ARHGAP18: variants seen among roughly 807,000 people sequenced by gnomAD.
ARHGAP18 encodes the protein Rho GTPase activating protein 18.
In ARHGAP18, 67 loss-of-function variants were observed where a neutral mutation model predicts 86.2. The ratio of observed to expected loss-of-function variants is 0.78; its 90% CI spans 0.64 to 0.95. The LOEUF is 0.95. ARHGAP18 is among the 40% of genes least tolerant of loss of function. The probability of loss-of-function intolerance (pLI) is 0.00; values close to 1 mark genes in which losing one functional copy is unlikely to be tolerated. For synonymous variants in ARHGAP18, 283 were observed against 280.4 expected (o/e 1.01, Z -0.09); for missense variants, 691 against 780.4 (o/e 0.89, Z 1.37).
Position 129,599,332 on chromosome 6 carries a change from C to G in ARHGAP18, c.1597G>C (p.Val533Leu). ...WTIPKFIVNQ[V>L]RKQNTENHKK... ...TGATTTTCCGTGTTTTGCTTCCTCA[C>G]TTGGTTTACAATAAACTTGGGAATC... The change falls in exon 12 of 15, where the codon GTG becomes CTG. Residue 533 changes from valine to leucine, a missense_variant. Transcript: ENST00000368149. 6.3e-7 allele frequency: 1 copy of G among 1,576,648 alleles called. No individual in the cohort carries two copies. The highest frequency in any genetic ancestry group is 8.6e-7 in the Non-Finnish European group (1 of 1,165,454).
Position 129,580,070 on chromosome 6 carries a change from C to A in ARHGAP18, c.1900G>T (p.Gly634Trp). The A allele has an allele frequency of 6.2e-7, 1 of 1,611,818 alleles. No individual in the cohort carries two copies. The highest frequency in any genetic ancestry group is 8.5e-7 in the Non-Finnish European group (1 of 1,178,222). Residue 634 changes from glycine to tryptophan, a missense_variant and splice_region_variant, in exon 14 of 15, where the codon GGG (glycine) becomes TGG (tryptophan). Coordinates refer to ENST00000368149, the MANE Select transcript of ARHGAP18 (RefSeq NM_033515.3). The stretch of plus-strand genomic sequence containing the variant: ...TGTAAAGAGAAAAAAAAGTGCTTAC[C>A]AATATTTCCTCCAATTTCATACAAA... ...VFLYEIGGNI[G>W]ERCLDDDTYM...
rs1223362985 is a variant in ARHGAP18 at position 129,577,171 on chromosome 6, T to C, written c.*1342A>G. 4 of 152,196 alleles carry C rather than the reference T, an allele frequency of 2.6e-5. No homozygotes were observed. Among genetic ancestry groups the C allele is most frequent in the Non-Finnish European group, 5.9e-5 (4 of 68,016 alleles). 9.4% of individuals were successfully genotyped at this position (152,196 alleles called of 1,614,324 possible). A position where few individuals can be genotyped will look rare whatever the true frequency, so the allele number is the denominator to read the frequency against. ...AATGGCACGAATCACCACAAAATCA[T>C]TTAAGTGATCATATCCACAGGCTGT... On this transcript the variant is annotated 3_prime_UTR_variant, in exon 15 of 15. Coordinates refer to ENST00000368149, the MANE Select transcript of ARHGAP18 (RefSeq NM_033515.3).
chr6:129,601,368 G>C (rs72982632), intron 10 of ARHGAP18, among the ~76,000 whole-genome samples: 9,082 of 152,180 alleles, frequency 0.06, 333 homozygotes, highest in South Asian at 0.091. Context: ...CAGGCACTGG[G>C]CATGGTGGTG....
At chr6:129,654,206 G>T (rs1197997911) in intron 1 of ARHGAP18, among the ~76,000 whole-genome samples, 1 of 152,194 alleles carries the variant, frequency 6.6e-6, no homozygotes, top group Admixed American at 6.5e-5. Context: ...ACCTGAAAAA[G>T]GTGAGGGGAG....
intron 7 of ARHGAP18, among the ~76,000 whole-genome samples, chr6:129,614,284 A>G (rs1283257670): frequency 3.3e-5 from 5 of 152,182 alleles, no homozygotes; most frequent in African/African-American, 9.6e-5. Context: ...TACAGATATG[A>G]CCTAATTGAG....
At chr6:129,692,794 C>T (rs1035884829) in intron 1 of ARHGAP18, among the ~76,000 whole-genome samples, 1 of 152,066 alleles carries the variant, frequency 6.6e-6, no homozygotes, top group Admixed American at 6.6e-5. Context: ...CAAATTACTT[C>T]GCCTAAAAAT....
chr6:129,684,536 T>G (rs2114540336), intron 1 of ARHGAP18, among the ~76,000 whole-genome samples: 1 of 152,356 alleles, frequency 6.6e-6, no homozygotes, highest in South Asian at 2.1e-4. Flanking sequence ...TGAAAGTTCC[T>G]AAGTGAACAT....
rs369906715 is a variant in ARHGAP18, at chr6:129,625,152, TATA to T, written c.786+4198_786+4200del. Reference sequence around the variant, plus strand: ...TATATATGATATATATTATATATTATATAGATATATATTATATATGATATATTA... The same window carrying T: ...TATATATGATATATATTATATATTATGATATATATTATATATGATATATTA... On this transcript the variant is annotated intron_variant, in intron 5 of 14. Coordinates refer to ENST00000368149, the MANE Select transcript of ARHGAP18 (RefSeq NM_033515.3). 3.4e-3 allele frequency among the ~76,000 whole-genome samples: 16 copies of T among 4,652 alleles called. 4 individuals are homozygous for T. Among genetic ancestry groups the T allele is most frequent in the South Asian group, 0.014 (1 of 74 alleles). The allele number at this position is 4,652 out of a possible 152,430, so 3.1% of individuals were successfully genotyped here. A position where few individuals can be genotyped will look rare whatever the true frequency, so the allele number is the denominator to read the frequency against.
intron 1 of ARHGAP18, among the ~76,000 whole-genome samples, chr6:129,650,261 A>G (rs2114508558): frequency 6.6e-6 from 1 of 152,198 alleles, no homozygotes; most frequent in African/African-American, 2.4e-5. Flanking sequence ...GAATAGGGAC[A>G]TAGTAACCAC....
intron 10 of ARHGAP18, among the ~76,000 whole-genome samples, chr6:129,604,301 T>C (rs1788809326): frequency 6.6e-6 from 1 of 152,052 alleles, no homozygotes; most frequent in African/African-American, 2.4e-5. Flanking sequence ...ACAGAATTTT[T>C]AAAAGAATAT....
At chr6:129,649,646 G>A (rs1233857072) in intron 1 of ARHGAP18, among the ~76,000 whole-genome samples, 1 of 140,922 alleles carries the variant, frequency 7.1e-6, no homozygotes, top group Non-Finnish European at 1.5e-5. Flanking sequence ...TTTGTTTTTT[G>A]CTACTCACTT....
chr6:129,577,598 T>A lies in ARHGAP18; in HGVS notation c.*915A>T, dbSNP rs1035568956. Reference sequence around the variant, plus strand: ...CTTATTCAGGACTTAAAAAAAAAAATCCCTCTTTAAGTAAAATACATTCTT... The same window carrying A: ...CTTATTCAGGACTTAAAAAAAAAAAACCCTCTTTAAGTAAAATACATTCTT... On this transcript the variant is annotated 3_prime_UTR_variant, in exon 15 of 15. Transcript: ENST00000368149. 2.0e-5 allele frequency: 3 copies of A among 151,466 alleles called. No homozygotes were observed. Among genetic ancestry groups the A allele is most frequent in the Non-Finnish European group, 4.4e-5 (3 of 67,906 alleles). The allele number at this position is 151,466 out of a possible 1,614,324, so 9.4% of individuals were successfully genotyped here.
chr6:129,701,061 TAAA>T (rs1216828402), intron 1 of ARHGAP18, among the ~76,000 whole-genome samples: 2 of 150,398 alleles, frequency 1.3e-5, no homozygotes, highest in East Asian at 3.9e-4. Context: ...GAGTATATAA[TAAA>T]AAAGTAAAAT....
chr6:129,691,701 T>C (rs141580314), intron 1 of ARHGAP18, among the ~76,000 whole-genome samples: 214 of 152,174 alleles, frequency 1.4e-3, no homozygotes, highest in African/African-American at 4.7e-3. Context: ...TACCCAACAA[T>C]GGCAATAAAC....
intron 1 of ARHGAP18, among the ~76,000 whole-genome samples, chr6:129,650,660 T>G (rs538441245): frequency 3.9e-5 from 6 of 152,340 alleles, no homozygotes; most frequent in Non-Finnish European, 8.8e-5. Context: ...GAACATTAGT[T>G]CAAAGCATAT....
At position 129,578,265 on chromosome 6, in the gene ARHGAP18, G is replaced by T; in HGVS notation, c.*248C>A. On this transcript the variant is annotated 3_prime_UTR_variant, in exon 15 of 15. Coordinates refer to ENST00000368149, the MANE Select transcript of ARHGAP18 (RefSeq NM_033515.3). ...ACATTTCACAGAGCATATGAAAACT[G>T]CCCACAAACTAATTAAGCCTCTTTA... is the stretch of plus-strand genomic sequence containing the variant. 1 of 186,234 alleles carries T rather than the reference G, an allele frequency of 5.4e-6. No homozygotes were observed. The highest frequency in any genetic ancestry group is 1.1e-5 in the Non-Finnish European group (1 of 91,624). The allele number at this position is 186,234 out of a possible 1,614,324, so 11.5% of individuals were successfully genotyped here. A position where few individuals can be genotyped will look rare whatever the true frequency, so the allele number is the denominator to read the frequency against.
intron 3 of ARHGAP18, 55 bp downstream of exon 3, chr6:129,638,339 C>A (rs1174570935): frequency 6.7e-7 from 1 of 1,493,032 alleles, no homozygotes; most frequent in Admixed American, 1.7e-5. Context: ...CCAGATTGAT[C>A]CAATTAATTG....
intron 12 of ARHGAP18, among the ~76,000 whole-genome samples, chr6:129,597,535 G>A (rs975657841): frequency 6.6e-6 from 1 of 151,946 alleles, no homozygotes; most frequent in Non-Finnish European, 1.5e-5. Flanking sequence ...TTCCTGTTTT[G>A]TAGATTACGG....
chr6:129,682,464 G>A (rs1477387202), intron 1 of ARHGAP18, among the ~76,000 whole-genome samples: 1 of 151,946 alleles, frequency 6.6e-6, no homozygotes, highest in African/African-American at 2.4e-5. Context: ...AGGAATCAAA[G>A]CATAGCTGTC....
Sources: gnomAD v4.1 joint callset for allele counts (sites outside exome capture counted in the v4.1 genomes callset) on GRCh38, gnomAD v4.1.1 for gene constraint, MANE v1.5 for transcripts, NCBI Gene and HGNC (gene_info 2026-07-23, HGNC 2026-07-21) for gene names.